Variants in NDUFAF6 observed in about 807,000 individuals in gnomAD.
The protein encoded by NDUFAF6 is NADH dehydrogenase (ubiquinone) complex I, assembly factor 6.
NDUFAF6 carries 45 observed loss-of-function variants against 40.8 expected under a neutral mutation model. The ratio of observed to expected loss-of-function variants is 1.10; its 90% CI spans 0.87 to 1.42. NDUFAF6 has a LOEUF of 1.42. NDUFAF6 is among the 40% of genes most tolerant of loss of function. The probability of loss-of-function intolerance (pLI) is 0.00; values close to 1 mark genes in which losing one functional copy is unlikely to be tolerated. For missense variants in NDUFAF6, 435 were observed against 418.5 expected (o/e 1.04, Z -0.34); for synonymous variants, 185 against 155.9 (o/e 1.19, Z -1.39).
intron 1 of NDUFAF6, among the ~76,000 whole-genome samples, chr8:94,906,469 C>G (rs908015554): frequency 1.3e-5 from 2 of 152,134 alleles, no homozygotes; most frequent in African/African-American, 4.8e-5. Flanking sequence ...TGTGTAAACC[C>G]AGTTTGTTGA....
chr8:95,046,982 C>T lies in NDUFAF6; in HGVS notation c.581-12C>T, dbSNP rs934625591. The T allele has an allele frequency of 1.9e-6, 3 of 1,613,800 alleles. No individual in the cohort carries two copies. The highest frequency in any genetic ancestry group is 2.5e-6 in the Non-Finnish European group (3 of 1,179,960). Reference sequence around the variant, plus strand: ...AGAATAGAGCAGCCCTGTGTAATTTCTGAAATCATAGGTATAAAGGATCTT... The same window carrying T: ...AGAATAGAGCAGCCCTGTGTAATTTTTGAAATCATAGGTATAAAGGATCTT... On this transcript the variant is annotated splice_polypyrimidine_tract_variant and intron_variant, in intron 5 of 8. Transcript: ENST00000396124.
chr8:95,020,160 T>C (rs1444492582), upstream of NDUFAF6, among the ~76,000 whole-genome samples: 13 of 152,110 alleles, frequency 8.5e-5, no homozygotes, highest in African/African-American at 1.2e-4. Flanking sequence ...GATCGCACCA[T>C]TGCACTCCAG....
chr8:94,991,499 A>T (rs1826189675), intron 2 of NDUFAF6, among the ~76,000 whole-genome samples: 1 of 152,134 alleles, frequency 6.6e-6, no homozygotes, highest in Non-Finnish European at 1.5e-5. Flanking sequence ...TAAAATGGGG[A>T]TAATAATAAT....
At chr8:95,050,970 G>A (rs1256581231) in intron 7 of NDUFAF6, among the ~76,000 whole-genome samples, 1 of 152,102 alleles carries the variant, frequency 6.6e-6, no homozygotes, top group East Asian at 1.9e-4. Flanking sequence ...CAGTGACAAC[G>A]GAAACTAAAG....
intron 2 of NDUFAF6, among the ~76,000 whole-genome samples, chr8:95,089,635 T>C (rs1270324171): frequency 6.6e-6 from 1 of 152,076 alleles, no homozygotes; most frequent in Non-Finnish European, 1.5e-5. Context: ...TCAAACCCAG[T>C]GAAACCCTCC....
intron 9 of NDUFAF6, among the ~76,000 whole-genome samples, chr8:95,070,959 C>G (rs1408637091): frequency 6.6e-6 from 1 of 152,076 alleles, no homozygotes; most frequent in Non-Finnish European, 1.5e-5. Flanking sequence ...TAGAAAAACA[C>G]AAGCAGTAAA....
At chr8:95,106,953 A>G (rs1378926373), downstream of NDUFAF6, among the ~76,000 whole-genome samples, 1 of 152,274 alleles carries the variant, frequency 6.6e-6, no homozygotes, top group Non-Finnish European at 1.5e-5. Flanking sequence ...TACACCAGTT[A>G]GAATGGCGAT....
At chr8:95,015,101 G>C (rs1827384808) in intron 2 of NDUFAF6, among the ~76,000 whole-genome samples, 2 of 152,162 alleles carry the variant, frequency 1.3e-5, no homozygotes, top group Admixed American at 6.5e-5. Flanking sequence ...GGACTGTCTG[G>C]ATGGATGAGC....
chr8:95,013,641 A>G (rs1827317285), intron 2 of NDUFAF6, among the ~76,000 whole-genome samples: 1 of 152,248 alleles, frequency 6.6e-6, no homozygotes. Context: ...GTATAACATG[A>G]CATCCATATG....
At chr8:95,009,592 G>A (rs1827146265) in intron 2 of NDUFAF6, among the ~76,000 whole-genome samples, 1 of 152,160 alleles carries the variant, frequency 6.6e-6, no homozygotes, top group African/African-American at 2.4e-5. Flanking sequence ...TAGGGGCCAT[G>A]GTCTTCCTAA....
intron 1 of NDUFAF6, among the ~76,000 whole-genome samples, chr8:94,972,068 A>C (rs982751130): frequency 5.9e-5 from 9 of 152,210 alleles, no homozygotes; most frequent in African/African-American, 2.2e-4. Flanking sequence ...TTTACCTATC[A>C]AACTGTAGTT....
chr8:95,040,377 C>T (rs907476057), intron 3 of NDUFAF6, among the ~76,000 whole-genome samples: 1 of 152,172 alleles, frequency 6.6e-6, no homozygotes, highest in Non-Finnish European at 1.5e-5. Flanking sequence ...GCCTGGTTTT[C>T]CCACTGTATA....
At position 95,036,281 on chromosome 8, in the gene NDUFAF6, T is replaced by A. The variant is rs2131813391; in HGVS notation, c.420+705T>A. 2.4e-6 allele frequency: 3 copies of A among 1,270,674 alleles called. No individual in the cohort carries two copies. In the African/African-American group the frequency reaches 4.6e-5, roughly 20 times the overall value. The allele number at this position is 1,270,674 out of a possible 1,614,324, so 78.7% of individuals were successfully genotyped here. ...AATTAGATACCTTTCATCACTGATC[T>A]GTGTCCCTGTTGTAATGCAGTGATT... On this transcript the variant is annotated intron_variant, in intron 3 of 8. Transcript: ENST00000396124.
chr8:94,951,793 C>G (rs1362989545), intron 2 of NDUFAF6, among the ~76,000 whole-genome samples: 1 of 152,228 alleles, frequency 6.6e-6, no homozygotes. Context: ...TGGATCACTC[C>G]CACTGCCTCC....
upstream of NDUFAF6, among the ~76,000 whole-genome samples, chr8:94,957,819 C>G (rs1453418140): frequency 7.2e-5 from 11 of 152,028 alleles, no homozygotes; most frequent in East Asian, 2.1e-3. Flanking sequence ...GAAAGAGGCT[C>G]TTTGTTTGGG....
intron 1 of NDUFAF6, among the ~76,000 whole-genome samples, chr8:94,910,325 G>C (rs1453622758): frequency 6.6e-6 from 1 of 151,960 alleles, no homozygotes; most frequent in Non-Finnish European, 1.5e-5. Flanking sequence ...GCTAATTTTT[G>C]TATTTTTAGT....
chr8:94,958,725 G>A (rs973639963), intron 1 of NDUFAF6, among the ~76,000 whole-genome samples: 2 of 151,820 alleles, frequency 1.3e-5, no homozygotes, highest in African/African-American at 4.8e-5. Context: ...TGACCAGGCT[G>A]GCCTCAAACT....
chr8:94,940,723 T>A, intron 1 of NDUFAF6: 5 of 760,562 alleles, frequency 6.6e-6, no homozygotes, highest in Non-Finnish European at 1.1e-5. Context: ...CTGCTTACTT[T>A]TAAGGCTGAA....
downstream of NDUFAF6, among the ~76,000 whole-genome samples, chr8:95,077,988 A>T (rs1808687147): frequency 6.6e-6 from 1 of 152,102 alleles, no homozygotes; most frequent in South Asian, 2.1e-4. Context: ...CAGCAGGAAA[A>T]GAAGCTGAGA....
Sources: allele counts gnomAD v4.1 joint callset (sites outside exome capture counted in the v4.1 genomes callset), GRCh38; gene constraint gnomAD v4.1.1; transcripts MANE v1.5; gene names NCBI Gene and HGNC (gene_info 2026-07-23, HGNC 2026-07-21).